Variants in LDAH observed in about 807,000 individuals in gnomAD.
The protein encoded by LDAH is lipid droplet associated hydrolase.
Under a neutral mutation model 29.6 loss-of-function variants are expected in LDAH, and 26 were observed. The ratio of observed to expected loss-of-function variants is 0.88; its 90% CI spans 0.64 to 1.22. The LOEUF (loss-of-function observed/expected upper bound fraction) is 1.22, where lower values mean the gene tolerates loss of function less well. Among genes scored for constraint, LDAH ranks in the 50% most tolerant of loss-of-function variants. LDAH has a pLI of 0.00. For synonymous variants in LDAH, 117 were observed against 133.0 expected, an observed-to-expected ratio of 0.88 and a Z score of 0.83; for missense variants, 344 against 387.3, an observed-to-expected ratio of 0.89 and a Z score of 0.94.
chr2:20,792,344 CATATGAGGTAGCACT>C (rs1403851403), intron 2 of LDAH, among the ~76,000 whole-genome samples: 1 of 151,986 alleles, frequency 6.6e-6, no homozygotes, highest in Non-Finnish European at 1.5e-5. Flanking sequence ...ATTTAATTAT[CATATGAGGTAGCACT>C]ATCATTACTT....
At chr2:20,714,173 C>T (rs905603747) in intron 5 of LDAH, among the ~76,000 whole-genome samples, 1 of 152,186 alleles carries the variant, frequency 6.6e-6, no homozygotes, top group Admixed American at 6.5e-5. Context: ...GAAATCACAA[C>T]AAACTGTCTC....
intron 6 of LDAH, among the ~76,000 whole-genome samples, chr2:20,692,279 G>A (rs1663094143): frequency 6.6e-6 from 1 of 152,176 alleles, no homozygotes; most frequent in Non-Finnish European, 1.5e-5. Flanking sequence ...CCCAAAGCAG[G>A]AAAACCCAAA....
At position 20,686,600 on chromosome 2, in the gene LDAH, A is replaced by G; in HGVS notation, c.*303T>C. 4.6e-6 allele frequency: 1 copy of G among 219,702 alleles called. No individual in the cohort carries two copies. The highest frequency in any genetic ancestry group is 8.9e-6 in the Non-Finnish European group (1 of 112,690). 13.6% of individuals were successfully genotyped at this position (219,702 alleles called of 1,614,324 possible). ...ACATGTAGATTTTTTTTTCATCTGC[A>G]AAGATCCTGCCTACCAAAATAAACC... On this transcript the variant is annotated 3_prime_UTR_variant, in exon 7 of 7. Transcript: ENST00000237822.
At chr2:20,682,980 C>T (rs572671029), downstream of LDAH, among the ~76,000 whole-genome samples, 1 of 152,374 alleles carries the variant, frequency 6.6e-6, no homozygotes, top group South Asian at 2.1e-4. Flanking sequence ...TTCCAAACCA[C>T]CTATCCAAGT....
chr2:20,801,985 AAT>A (rs917565849), intron 1 of LDAH, among the ~76,000 whole-genome samples: 3 of 145,158 alleles, frequency 2.1e-5, no homozygotes, highest in Admixed American at 6.9e-5. Context: ...TGTATGTATG[AAT>A]ATGTGTGTAT....
chr2:20,711,977 G>T (rs532599574), intron 5 of LDAH, among the ~76,000 whole-genome samples: 106 of 152,386 alleles, frequency 7.0e-4, no homozygotes, highest in South Asian at 5.2e-3. Context: ...ACAAAAGGCA[G>T]CAGAAACTTC....
chr2:20,688,510 C>T (rs1048940484), intron 6 of LDAH, among the ~76,000 whole-genome samples: 1 of 152,150 alleles, frequency 6.6e-6, no homozygotes, highest in African/African-American at 2.4e-5. Context: ...AGGAAAACCA[C>T]TCTGGCCACA....
At chr2:20,744,860 T>A (rs918586718) in intron 4 of LDAH, among the ~76,000 whole-genome samples, 2 of 152,096 alleles carry the variant, frequency 1.3e-5, no homozygotes, top group African/African-American at 4.8e-5. Context: ...ACAGCTCAGG[T>A]TTTTCTACCA....
chr2:20,765,415 C>G (rs1328524429), intron 4 of LDAH, among the ~76,000 whole-genome samples: 1 of 152,190 alleles, frequency 6.6e-6, no homozygotes, highest in Non-Finnish European at 1.5e-5. Context: ...TCGAGGACAC[C>G]AAGAACCTTT....
chr2:20,684,855 T>G lies in LDAH; in HGVS notation c.*2048A>C. 6.5e-7 allele frequency: 1 copy of G among 1,543,012 alleles called. No homozygotes were observed. On this transcript the variant is annotated 3_prime_UTR_variant, in exon 7 of 7. Coordinates refer to ENST00000237822, the MANE Select transcript of LDAH (RefSeq NM_021925.4). The stretch of plus-strand genomic sequence containing the variant: ...CTGGAAAATGGATTTCTTCCACTGT[T>G]TGTCCATTTTAGTCTAATCCCTAAT...
At chr2:20,756,746 C>T (rs1014545545) in intron 4 of LDAH, among the ~76,000 whole-genome samples, 3 of 151,892 alleles carry the variant, frequency 2.0e-5, no homozygotes, top group Admixed American at 6.6e-5. Flanking sequence ...AAGTATAACA[C>T]ACAAATAATG....
At chr2:20,701,203 A>C (rs1663910252) in intron 6 of LDAH, among the ~76,000 whole-genome samples, 1 of 152,224 alleles carries the variant, frequency 6.6e-6, no homozygotes, top group African/African-American at 2.4e-5. Flanking sequence ...TAGTCATGAG[A>C]TCATATAACA....
At chr2:20,709,728 CAA>C (rs1397402335) in intron 5 of LDAH, among the ~76,000 whole-genome samples, 1 of 152,050 alleles carries the variant, frequency 6.6e-6, no homozygotes, top group African/African-American at 2.4e-5. Flanking sequence ...TCATAATAGT[CAA>C]AGAGTGCAAA....
intron 6 of LDAH, among the ~76,000 whole-genome samples, chr2:20,701,057 G>A (rs1041428266): frequency 4.3e-4 from 65 of 152,252 alleles, no homozygotes; most frequent in African/African-American, 1.5e-3. Flanking sequence ...TCAGAGATTG[G>A]TGCTTCCAGA....
intron 4 of LDAH, among the ~76,000 whole-genome samples, chr2:20,765,173 TC>T (rs750386851): frequency 1.6e-4 from 25 of 152,228 alleles, no homozygotes; most frequent in Non-Finnish European, 1.5e-5. Context: ...GGAAACCTGT[TC>T]CAACAAAAGT....
intron 5 of LDAH, among the ~76,000 whole-genome samples, chr2:20,735,196 T>C (rs548716605): frequency 6.6e-6 from 1 of 152,332 alleles, no homozygotes; most frequent in Non-Finnish European, 1.5e-5. Flanking sequence ...TTGACCATTA[T>C]TTCTTTGAAC....
intron 1 of LDAH, among the ~76,000 whole-genome samples, chr2:20,802,541 G>A (rs748768292): frequency 2.6e-5 from 4 of 152,040 alleles, no homozygotes; most frequent in Admixed American, 1.3e-4. Flanking sequence ...TCTACTGACA[G>A]CACCAAATCT....
chr2:20,735,797 G>C (rs1487383458), intron 5 of LDAH, among the ~76,000 whole-genome samples: 1 of 152,052 alleles, frequency 6.6e-6, no homozygotes, highest in Non-Finnish European at 1.5e-5. Context: ...AGGGATGAAG[G>C]GGCTCCTCAT....
chr2:20,691,443 C>T (rs1191384217), intron 6 of LDAH, among the ~76,000 whole-genome samples: 1 of 152,178 alleles, frequency 6.6e-6, no homozygotes, highest in Non-Finnish European at 1.5e-5. Flanking sequence ...TCACAAAGTA[C>T]TGAAATTACA....
Sources: gnomAD v4.1 joint callset for allele counts (sites outside exome capture counted in the v4.1 genomes callset) on GRCh38, gnomAD v4.1.1 for gene constraint, MANE v1.5 for transcripts, NCBI Gene and HGNC (gene_info 2026-07-23, HGNC 2026-07-21) for gene names.